The following EVA1A variants were observed in gnomAD, a reference collection of about 807,000 sequenced individuals.
The protein encoded by EVA1A is eva-1 homolog A, regulator of programmed cell death.
EVA1A carries 7 observed loss-of-function variants against 9.8 expected under a neutral mutation model. The observed-to-expected ratio is 0.71, with a 90% CI of 0.41 to 1.34. The LOEUF (loss-of-function observed/expected upper bound fraction) is 1.34. Among genes scored for constraint, EVA1A ranks in the 40% most tolerant of loss-of-function variants. The pLI is 0.01. For missense variants in EVA1A, 206 were observed against 205.9 expected, an observed-to-expected ratio of 1.00 and a Z score of 0.00; for synonymous variants, 90 against 85.6, an observed-to-expected ratio of 1.05 and a Z score of -0.28.
chr2:75,494,876 T>G (rs1674152122), intron 3 of EVA1A, among the ~76,000 whole-genome samples: 1 of 152,144 alleles, frequency 6.6e-6, no homozygotes, highest in Non-Finnish European at 1.5e-5. Context: ...GAGGAGAAAT[T>G]AGAGCTCTTT....
At chr2:75,495,266 A>T (rs1024778491) in intron 3 of EVA1A, among the ~76,000 whole-genome samples, 8 of 152,216 alleles carry the variant, frequency 5.3e-5, no homozygotes, top group Non-Finnish European at 1.2e-4. Context: ...AGAAAATAAA[A>T]CAATGGGCTG....
At chr2:75,517,813 T>C (rs934935770) in intron 3 of EVA1A, 4 of 721,856 alleles carry the variant, frequency 5.5e-6, no homozygotes, top group African/African-American at 1.7e-5. Context: ...AATCACTCAC[T>C]TGAGCAGCTA....
Position 75,539,515 on chromosome 2 carries a change from G to A in EVA1A, c.-191-17028C>T, listed in dbSNP as rs138028831. ...CCTCAATCCATCAATCAGCATCTAA[G>A]TAAAGAAATAGACACTGCTTCAGTA... is the stretch of plus-strand genomic sequence containing the variant. On this transcript the variant is annotated intron_variant, in intron 1 of 3. Coordinates refer to ENST00000393913, the MANE Select transcript of EVA1A (RefSeq NM_001135032.2). Among the ~76,000 whole-genome samples the A allele has an allele frequency of 1.3e-3, 194 of 152,262 alleles. 2 individuals carry two copies. In the East Asian group the frequency reaches 0.015, roughly 12 times the overall value.
intron 1 of EVA1A, among the ~76,000 whole-genome samples, chr2:75,545,865 C>T (rs2103953582): frequency 6.6e-6 from 1 of 152,202 alleles, no homozygotes; most frequent in East Asian, 1.9e-4. Context: ...GGGGTCATAG[C>T]TTCCTGGAAG....
chr2:75,493,639 T>C, intron 3 of EVA1A, 30 bp from the exon 4 acceptor site: 9 of 1,543,662 alleles, frequency 5.8e-6, no homozygotes, highest in Non-Finnish European at 7.9e-6. Context: ...AAGCAAGCAT[T>C]TGAGAGATGA....
upstream of EVA1A, among the ~76,000 whole-genome samples, chr2:75,565,892 A>G (rs1677016833): frequency 2.6e-5 from 4 of 152,316 alleles, no homozygotes; most frequent in South Asian, 8.3e-4. Flanking sequence ...CTATCTATTC[A>G]TCTTAACAAA....
At chr2:75,554,465 G>T (rs575243486) in intron 1 of EVA1A, among the ~76,000 whole-genome samples, 199 of 152,100 alleles carry the variant, frequency 1.3e-3, no homozygotes, top group African/African-American at 4.7e-3. Flanking sequence ...AAGCGGGGAG[G>T]AAATGGCCAT....
chr2:75,504,460 C>T (rs1023173698), intron 3 of EVA1A, among the ~76,000 whole-genome samples: 1 of 152,172 alleles, frequency 6.6e-6, no homozygotes, highest in African/African-American at 2.4e-5. Context: ...CATTCTGCCC[C>T]ACCCCATTGG....
At chr2:75,543,836 C>T (rs1287752962) in intron 1 of EVA1A, among the ~76,000 whole-genome samples, 2 of 152,212 alleles carry the variant, frequency 1.3e-5, no homozygotes, top group African/African-American at 4.8e-5. Flanking sequence ...CTGATCAAAA[C>T]AGGGAGGTCC....
intron 3 of EVA1A, among the ~76,000 whole-genome samples, chr2:75,507,987 T>A (rs1033925592): frequency 1.3e-5 from 2 of 152,234 alleles, no homozygotes; most frequent in African/African-American, 4.8e-5. Flanking sequence ...TAATTTCTTA[T>A]GCCTCTCTTT....
At chr2:75,504,140 G>A (rs114296439) in intron 3 of EVA1A, among the ~76,000 whole-genome samples, 1,851 of 152,196 alleles carry the variant, frequency 0.012, 38 homozygotes, top group African/African-American at 0.042. Flanking sequence ...TGCCAGGCAC[G>A]GTGGCTCATG....
intron 1 of EVA1A, among the ~76,000 whole-genome samples, chr2:75,560,422 T>C (rs1206703508): frequency 6.6e-6 from 1 of 151,758 alleles, no homozygotes; most frequent in Non-Finnish European, 1.5e-5. Flanking sequence ...AGTTGTTCTA[T>C]CCAGAAAGAA....
intron 1 of EVA1A, among the ~76,000 whole-genome samples, chr2:75,566,609 T>C (rs899895894): frequency 3.9e-5 from 6 of 152,040 alleles, no homozygotes; most frequent in Admixed American, 3.9e-4. Flanking sequence ...TATTGTGGAG[T>C]GGGGGTTTAT....
chr2:75,495,006 C>T (rs1302372632), intron 3 of EVA1A, among the ~76,000 whole-genome samples: 1 of 152,092 alleles, frequency 6.6e-6, no homozygotes, highest in Admixed American at 6.6e-5. Flanking sequence ...AGTTTTCATT[C>T]TAGGTACCTA....
chr2:75,563,888 A>G (rs1013495578), upstream of EVA1A, among the ~76,000 whole-genome samples: 4 of 152,152 alleles, frequency 2.6e-5, no homozygotes, highest in African/African-American at 9.7e-5. Context: ...GGCTGAGAGG[A>G]GATGAGGAGA....
intron 3 of EVA1A, among the ~76,000 whole-genome samples, chr2:75,510,904 C>T (rs556541540): frequency 4.4e-4 from 67 of 152,312 alleles, no homozygotes; most frequent in African/African-American, 1.6e-3. Flanking sequence ...GTCTGCCCAG[C>T]CATATGTTTT....
At chr2:75,555,337 C>CT (rs1553421931) in intron 1 of EVA1A, among the ~76,000 whole-genome samples, 2,293 of 126,802 alleles carry the variant, frequency 0.018, 72 homozygotes, top group African/African-American at 0.062. Context: ...CTCTCTCTCT[C>CT]CCCCATCTCC....
At chr2:75,543,008 C>T (rs1676191165) in intron 1 of EVA1A, among the ~76,000 whole-genome samples, 1 of 152,072 alleles carries the variant, frequency 6.6e-6, no homozygotes, top group South Asian at 2.1e-4. Flanking sequence ...CATTAGCCTG[C>T]AAGTATCCAC....
chr2:75,518,185 C>T lies in EVA1A; in HGVS notation c.-45G>A, dbSNP rs369821481. The T allele has an allele frequency of 3.5e-4, 569 of 1,604,272 alleles. No homozygotes were observed. Among genetic ancestry groups the T allele is most frequent in the Non-Finnish European group, 4.3e-4 (508 of 1,176,418 alleles). ...TCCTGGAGGTGCTTGGCTGAATCAA[C>T]GTGGCCACTCTCCTTCTTCTCTTCT... On this transcript the variant is annotated 5_prime_UTR_variant, in exon 3 of 4. Transcript: ENST00000393913.
Sources: allele counts gnomAD v4.1 joint callset (sites outside exome capture counted in the v4.1 genomes callset), GRCh38; gene constraint gnomAD v4.1.1; transcripts MANE v1.5; gene names NCBI Gene and HGNC (gene_info 2026-07-23, HGNC 2026-07-21).